Variants in DOK6 observed in about 807,000 individuals in gnomAD.
DOK6 encodes the protein downstream of tyrosine kinase 6.
Under a neutral mutation model 44.0 loss-of-function variants are expected in DOK6, and 22 were observed. The observed-to-expected ratio is 0.50, with a 90% CI of 0.36 to 0.71. The LOEUF is 0.71. DOK6 is among the 30% of genes least tolerant of loss of function. The pLI is 0.00. For missense variants in DOK6, 340 were observed against 416.4 expected (o/e 0.82, Z 1.60); for synonymous variants, 166 against 145.5 (o/e 1.14, Z -1.01).
intron 3 of DOK6, among the ~76,000 whole-genome samples, chr18:69,630,614 C>T (rs905666701): frequency 1.3e-5 from 2 of 152,042 alleles, no homozygotes; most frequent in African/African-American, 2.4e-5. Flanking sequence ...ACAATAATGG[C>T]GGATAGATAT....
chr18:69,603,972 G>A (rs1210001704), intron 3 of DOK6, among the ~76,000 whole-genome samples: 1 of 151,922 alleles, frequency 6.6e-6, no homozygotes, highest in Non-Finnish European at 1.5e-5. Context: ...ATTTTAACTA[G>A]GATAATTTCA....
Position 69,843,225 on chromosome 18 carries a change from CT to C in DOK6, c.*1843del, listed in dbSNP as rs552687617. 105 of 152,364 alleles carry C rather than the reference CT, an allele frequency of 6.9e-4. 1 individual carries two copies. The highest frequency in any genetic ancestry group is 2.2e-3 in the African/African-American group (90 of 41,586). 9.4% of individuals were successfully genotyped at this position (152,364 alleles called of 1,614,324 possible). On this transcript the variant is annotated 3_prime_UTR_variant, in exon 8 of 8. Transcript: ENST00000382713. Reference sequence around the variant, plus strand: ...ATAAAAAGAAAATTACCCAGGTTCTCTGCACTGTGAATTTTGCTGACACAGC... The same window carrying C: ...ATAAAAAGAAAATTACCCAGGTTCTCGCACTGTGAATTTTGCTGACACAGC...
At position 69,769,620 on chromosome 18, in the gene DOK6, A is replaced by T. The variant is rs202092668; in HGVS notation, c.856+11747A>T. On this transcript the variant is annotated intron_variant, in intron 7 of 7. Coordinates refer to ENST00000382713, the MANE Select transcript of DOK6 (RefSeq NM_152721.6). ...GTGCAAAAACAACAACATAAAAAGCAAATTATAGAGCATAATCAGTTTTAC... is the reference window on the plus strand; with the variant it reads ...GTGCAAAAACAACAACATAAAAAGCTAATTATAGAGCATAATCAGTTTTAC... 2.7e-4 allele frequency among the ~76,000 whole-genome samples: 41 copies of T among 152,302 alleles called. No individual in the cohort carries two copies. In the East Asian group the frequency reaches 7.3e-3, roughly 27 times the overall value.
At chr18:69,547,165 A>T (rs898576777) in intron 1 of DOK6, among the ~76,000 whole-genome samples, 3 of 151,420 alleles carry the variant, frequency 2.0e-5, no homozygotes, top group African/African-American at 7.3e-5. Context: ...CAGTGGTGTG[A>T]TCTTGGCTCA....
intron 2 of DOK6, among the ~76,000 whole-genome samples, chr18:69,588,013 C>A (rs992474205): frequency 6.6e-6 from 1 of 152,130 alleles, no homozygotes; most frequent in Non-Finnish European, 1.5e-5. Context: ...GTAATAACTT[C>A]TTGTTTTAGC....
intron 6 of DOK6, among the ~76,000 whole-genome samples, chr18:69,749,352 A>G (rs1177715321): frequency 6.6e-6 from 1 of 152,210 alleles, no homozygotes; most frequent in Non-Finnish European, 1.5e-5. Flanking sequence ...TCTGAGTGCC[A>G]GCTTTTAAAC....
chr18:69,727,166 CTT>C (rs1292619487), intron 5 of DOK6, among the ~76,000 whole-genome samples: 7 of 152,152 alleles, frequency 4.6e-5, no homozygotes, highest in Non-Finnish European at 7.3e-5. Flanking sequence ...GCCTAGGTCT[CTT>C]TTATAAGGGC....
chr18:69,612,999 A>C (rs7228357), intron 3 of DOK6, among the ~76,000 whole-genome samples: 123 of 151,752 alleles, frequency 8.1e-4, no homozygotes, highest in Middle Eastern at 3.4e-3. Flanking sequence ...CTCCCACCTG[A>C]AGCTGGGACT....
chr18:69,560,560 G>A (rs116099148), intron 1 of DOK6, among the ~76,000 whole-genome samples: 306 of 152,076 alleles, frequency 2.0e-3, no homozygotes, highest in African/African-American at 6.8e-3. Flanking sequence ...TATAATTCTC[G>A]TAATTATGAA....
intron 5 of DOK6, among the ~76,000 whole-genome samples, chr18:69,712,750 G>A (rs867314678): frequency 1.3e-5 from 2 of 152,180 alleles, no homozygotes; most frequent in East Asian, 1.9e-4. Flanking sequence ...AGGAGGCTGC[G>A]GCAGGAGAAT....
intron 1 of DOK6, among the ~76,000 whole-genome samples, chr18:69,511,441 C>T (rs578101163): frequency 6.6e-6 from 1 of 152,206 alleles, no homozygotes; most frequent in Non-Finnish European, 1.5e-5. Context: ...ATTTGAAGGA[C>T]TCGTAAAACA....
intron 3 of DOK6, among the ~76,000 whole-genome samples, chr18:69,637,093 G>A (rs1166598100): frequency 6.6e-6 from 1 of 152,160 alleles, no homozygotes; most frequent in East Asian, 1.9e-4. Context: ...GCAGTCAGCA[G>A]GGAGCTCCCC....
At position 69,435,490 on chromosome 18, in the gene DOK6, T is replaced by G. The variant is rs201687542; in HGVS notation, c.66+34180T>G. ...AAAATAGAGATGAATGCTGTGCTTC[T>G]GAGGGGAGACAGAAAGCGGCCTTTT... On this transcript the variant is annotated intron_variant, in intron 1 of 7. Coordinates refer to ENST00000382713, the MANE Select transcript of DOK6 (RefSeq NM_152721.6). Among the ~76,000 whole-genome samples, 68 of 152,280 alleles carry G rather than the reference T, an allele frequency of 4.5e-4. 1 individual carries two copies. In the East Asian group the frequency reaches 0.013, roughly 29 times the overall value.
chr18:69,649,552 A>G (rs1335382880), intron 3 of DOK6, among the ~76,000 whole-genome samples: 1 of 152,188 alleles, frequency 6.6e-6, no homozygotes, highest in East Asian at 1.9e-4. Flanking sequence ...TATTACTATG[A>G]AGAACTTTTT....
intron 1 of DOK6, among the ~76,000 whole-genome samples, chr18:69,544,094 T>TAAA (rs34430095): frequency 7.0e-6 from 1 of 142,134 alleles, no homozygotes; most frequent in African/African-American, 2.6e-5. Flanking sequence ...CTGTCTCTAC[T>TAAA]AAAAAAAAAA....
At chr18:69,627,666 G>C (rs754703108) in intron 3 of DOK6, among the ~76,000 whole-genome samples, 28 of 151,930 alleles carry the variant, frequency 1.8e-4, no homozygotes, top group Non-Finnish European at 3.1e-4. Context: ...AGCCAGGATG[G>C]TCTCGATCTC....
chr18:69,521,447 A>AG (rs57252976), intron 1 of DOK6, among the ~76,000 whole-genome samples: 1 of 45,128 alleles, frequency 2.2e-5, no homozygotes, highest in Non-Finnish European at 5.5e-5. Context: ...ACAGTCATTT[A>AG]AAAAAAAAAA....
chr18:69,712,267 C>T (rs1219901039), intron 5 of DOK6, among the ~76,000 whole-genome samples: 5 of 93,356 alleles, frequency 5.4e-5, no homozygotes, highest in South Asian at 4.0e-4. Context: ...GGCGACAGAG[C>T]GAGACTCCGT....
At chr18:69,688,957 A>G (rs550587439) in intron 4 of DOK6, among the ~76,000 whole-genome samples, 10 of 152,350 alleles carry the variant, frequency 6.6e-5, no homozygotes, top group African/African-American at 2.4e-4. Context: ...TTAGAGATAT[A>G]TAAAGATTTC....
Sources: allele counts gnomAD v4.1 joint callset (sites outside exome capture counted in the v4.1 genomes callset), GRCh38; gene constraint gnomAD v4.1.1; transcripts MANE v1.5; gene names NCBI Gene and HGNC (gene_info 2026-07-23, HGNC 2026-07-21).